TAFA5: variants seen among roughly 807,000 people sequenced by gnomAD.
TAFA5 encodes TAFA chemokine like family member 5.
Under a neutral mutation model 15.3 loss-of-function variants are expected in TAFA5, and 6 were observed. The ratio of observed to expected loss-of-function variants is 0.39; its 90% CI spans 0.21 to 0.77. The LOEUF is 0.77. Among genes scored for constraint, TAFA5 ranks in the 30% least tolerant of loss-of-function variants. The pLI, the probability that TAFA5 is intolerant of heterozygous loss-of-function variation, is 0.41. For missense variants in TAFA5, 161 were observed against 193.1 expected (o/e 0.83, Z 0.98); for synonymous variants, 103 against 80.7 (o/e 1.28, Z -1.48).
intron 1 of TAFA5, among the ~76,000 whole-genome samples, chr22:48,582,184 C>A (rs926833920): frequency 6.6e-6 from 1 of 151,980 alleles, no homozygotes; most frequent in African/African-American, 2.4e-5. Flanking sequence ...TGCCCCCCAA[C>A]AGAGACACAC....
At chr22:48,722,610 C>T (rs1472078262) in intron 3 of TAFA5, among the ~76,000 whole-genome samples, 1 of 152,182 alleles carries the variant, frequency 6.6e-6, no homozygotes, top group African/African-American at 2.4e-5. Flanking sequence ...ATGTAAGTGA[C>T]AGGTTGATGG....
intron 1 of TAFA5, among the ~76,000 whole-genome samples, chr22:48,584,104 C>G (rs1308238703): frequency 6.7e-6 from 1 of 149,678 alleles, no homozygotes; most frequent in Non-Finnish European, 1.5e-5. Flanking sequence ...ATCACACACA[C>G]ACACCACACA....
At chr22:48,631,644 A>T (rs1484984226) in intron 1 of TAFA5, among the ~76,000 whole-genome samples, 2 of 152,172 alleles carry the variant, frequency 1.3e-5, no homozygotes, top group African/African-American at 2.4e-5. Context: ...CTGCAGAAGA[A>T]ATTAGCCAGA....
At chr22:48,588,248 C>T (rs1183157983) in intron 1 of TAFA5, among the ~76,000 whole-genome samples, 1 of 152,204 alleles carries the variant, frequency 6.6e-6, no homozygotes, top group African/African-American at 2.4e-5. Flanking sequence ...AGTGACTGCT[C>T]TTCACTGTCA....
chr22:48,617,666 C>A (rs536441377), intron 1 of TAFA5, among the ~76,000 whole-genome samples: 1 of 152,216 alleles, frequency 6.6e-6, no homozygotes, highest in Non-Finnish European at 1.5e-5. Context: ...CCGCGTCTAT[C>A]TCCTGGGAAC....
intron 1 of TAFA5, among the ~76,000 whole-genome samples, chr22:48,602,723 T>C: frequency 6.6e-6 from 1 of 152,194 alleles, no homozygotes; most frequent in South Asian, 2.1e-4. Flanking sequence ...CAGGGGACTG[T>C]GTGGCCTTGA....
At chr22:48,499,124 T>C (rs1601835098) in intron 1 of TAFA5, among the ~76,000 whole-genome samples, 1 of 152,340 alleles carries the variant, frequency 6.6e-6, no homozygotes, top group Non-Finnish European at 1.5e-5. Flanking sequence ...TCTGCACGTT[T>C]CCACACACTT....
rs138789096 is a variant in TAFA5 at position 48,532,979 on chromosome 22, G to A, written c.112+43275G>A. Among the ~76,000 whole-genome samples, 12 of 152,336 alleles carry A rather than the reference G, an allele frequency of 7.9e-5. No homozygotes were observed. In the East Asian group the frequency reaches 2.3e-3, roughly 29 times the overall value. On this transcript the variant is annotated intron_variant, in intron 1 of 3. Transcript: ENST00000402357. ...GCCAAGGTCCCACCGCCTGTGGGTG[G>A]TAGAGCTTGAAGTGAGCGCAGGGTG... is the stretch of plus-strand genomic sequence containing the variant.
rs185864708 is a variant in TAFA5 at position 48,663,817 on chromosome 22, C to T, written c.262+17071C>T. Among the ~76,000 whole-genome samples the T allele has an allele frequency of 3.3e-3, 507 of 152,276 alleles. 4 individuals are homozygous for T. The highest frequency in any genetic ancestry group is 5.6e-3 in the Non-Finnish European group (381 of 68,026). On this transcript the variant is annotated intron_variant, in intron 2 of 3. Coordinates refer to ENST00000402357, the MANE Select transcript of TAFA5 (RefSeq NM_001082967.3). Reference sequence around the variant, plus strand: ...CCGTCTTGGTTATCAGACGGACTGTCGTGGCATCATAGTACTTGTGTTCAA... The same window carrying T: ...CCGTCTTGGTTATCAGACGGACTGTTGTGGCATCATAGTACTTGTGTTCAA...
At chr22:48,519,521 G>T (rs907507956) in intron 1 of TAFA5, among the ~76,000 whole-genome samples, 2 of 152,084 alleles carry the variant, frequency 1.3e-5, no homozygotes, top group Non-Finnish European at 2.9e-5. Flanking sequence ...TTATGTGAAG[G>T]GGGGGATGCC....
At chr22:48,635,024 G>C (rs1450195788) in intron 1 of TAFA5, among the ~76,000 whole-genome samples, 1 of 152,230 alleles carries the variant, frequency 6.6e-6, no homozygotes, top group Non-Finnish European at 1.5e-5. Context: ...CTCTGTCCTG[G>C]TCAGGGAGGT....
chr22:48,567,600 G>T (rs961301192), intron 1 of TAFA5, among the ~76,000 whole-genome samples: 5 of 152,258 alleles, frequency 3.3e-5, no homozygotes, highest in Admixed American at 3.3e-4. Flanking sequence ...CCTGAGGAGA[G>T]GGGGGACAGG....
chr22:48,630,418 T>C (rs738697), intron 1 of TAFA5, among the ~76,000 whole-genome samples: 30,754 of 152,154 alleles, frequency 0.2, 3,695 homozygotes, highest in South Asian at 0.33. Context: ...CACTGCTGCC[T>C]CGGCCCTGGC....
intron 1 of TAFA5, chr22:48,576,455 G>C (rs755185178): frequency 9.9e-5 from 137 of 1,389,400 alleles, no homozygotes; most frequent in Non-Finnish European, 1.3e-4. Context: ...CGACTTCGGG[G>C]GCGTCGGCCG....
At chr22:48,663,282 C>T (rs1375204613) in intron 2 of TAFA5, among the ~76,000 whole-genome samples, 1 of 152,150 alleles carries the variant, frequency 6.6e-6, no homozygotes, top group Non-Finnish European at 1.5e-5. Flanking sequence ...CAAGCCAGAC[C>T]CTGCAGTTGG....
chr22:48,529,925 G>A (rs1239218218), intron 1 of TAFA5, among the ~76,000 whole-genome samples: 7 of 152,082 alleles, frequency 4.6e-5, no homozygotes, highest in Admixed American at 4.6e-4. Flanking sequence ...GGGAGTTGGG[G>A]CATCTGGGAC....
chr22:48,694,022 G>A (rs539328406), intron 2 of TAFA5, among the ~76,000 whole-genome samples: 1 of 152,242 alleles, frequency 6.6e-6, no homozygotes, highest in South Asian at 2.1e-4. Context: ...AAGCCCGTGG[G>A]CCCCTCTGAG....
intron 2 of TAFA5, among the ~76,000 whole-genome samples, chr22:48,679,649 C>T (rs1341657241): frequency 4.8e-5 from 5 of 103,558 alleles, no homozygotes; most frequent in African/African-American, 1.3e-4. Flanking sequence ...CATCCCTCTC[C>T]GGGCTCCCCG....
chr22:48,576,672 G>C, intron 1 of TAFA5: 2 of 1,209,110 alleles, frequency 1.7e-6, no homozygotes, highest in Non-Finnish European at 2.1e-6. Flanking sequence ...CTGCCGCCGC[G>C]CTCGGCTGAG....
Sources: gnomAD v4.1 joint callset for allele counts (sites outside exome capture counted in the v4.1 genomes callset) on GRCh38, gnomAD v4.1.1 for gene constraint, MANE v1.5 for transcripts, NCBI Gene and HGNC (gene_info 2026-07-23, HGNC 2026-07-21) for gene names.